TENM3: variants seen among roughly 807,000 people sequenced by gnomAD.
TENM3 encodes the protein teneurin transmembrane protein 3.
Under a neutral mutation model 255.1 loss-of-function variants are expected in TENM3, and 63 were observed. The ratio of observed to expected loss-of-function variants is 0.25; its 90% CI spans 0.20 to 0.30. TENM3 has a LOEUF of 0.30. TENM3 is among the 10% of genes least tolerant of loss of function. The pLI, the probability that TENM3 is intolerant of heterozygous loss-of-function variation, is 1.00. For synonymous variants in TENM3, 1,306 were observed against 1,322.3 expected (o/e 0.99, Z 0.27); for missense variants, 2,929 against 3,461.1 (o/e 0.85, Z 3.86).
intron 1 of TENM3, among the ~76,000 whole-genome samples, chr4:182,264,843 A>G (rs1759134565): frequency 6.6e-6 from 1 of 152,204 alleles, no homozygotes; most frequent in Non-Finnish European, 1.5e-5. Flanking sequence ...AAGTCAGCTT[A>G]ATTAGAAGTG....
At chr4:182,146,589 A>T (rs1350403997) in intron 1 of TENM3, among the ~76,000 whole-genome samples, 2 of 152,150 alleles carry the variant, frequency 1.3e-5, no homozygotes, top group African/African-American at 4.8e-5. Flanking sequence ...TTCTAATAGT[A>T]AACAAATATA....
chr4:182,683,068 T>C (rs759373727), intron 11 of TENM3, among the ~76,000 whole-genome samples: 2 of 152,148 alleles, frequency 1.3e-5, no homozygotes, highest in Non-Finnish European at 2.9e-5. Flanking sequence ...AATTTTTGGC[T>C]AGGTGAACAG....
the TENM3 span, among the ~76,000 whole-genome samples, chr4:181,979,113 T>C: frequency 1.5e-5 from 1 of 65,404 alleles, no homozygotes; most frequent in Non-Finnish European, 3.1e-5. Context: ...TATATATATA[T>C]ATATATATAT....
At chr4:181,466,635 C>T in the TENM3 span, among the ~76,000 whole-genome samples, 2 of 152,074 alleles carry the variant, frequency 1.3e-5, no homozygotes, top group African/African-American at 4.8e-5. Flanking sequence ...AATCACTCAT[C>T]GAGCTCCATA....
chr4:181,678,030 A>T, the TENM3 span, among the ~76,000 whole-genome samples: 1 of 152,094 alleles, frequency 6.6e-6, no homozygotes, highest in Non-Finnish European at 1.5e-5. Context: ...AGATATTTAC[A>T]TTTATTTTAG....
At chr4:181,463,771 C>T in the TENM3 span, among the ~76,000 whole-genome samples, 1 of 152,130 alleles carries the variant, frequency 6.6e-6, no homozygotes, top group Admixed American at 6.5e-5. Flanking sequence ...ATCACCCTCC[C>T]CTAAAAACCC....
At chr4:182,110,125 A>G in the TENM3 span, among the ~76,000 whole-genome samples, 1 of 151,570 alleles carries the variant, frequency 6.6e-6, no homozygotes, top group Admixed American at 6.6e-5. Context: ...AAAAAAAAAA[A>G]AAAAATACAT....
chr4:181,993,039 G>T, the TENM3 span, among the ~76,000 whole-genome samples: 1 of 152,050 alleles, frequency 6.6e-6, no homozygotes, highest in African/African-American at 2.4e-5. Context: ...CTTTTATGAT[G>T]TTAGACACCA....
chr4:182,386,879 C>G (rs1246562745), intron 3 of TENM3, among the ~76,000 whole-genome samples: 1 of 152,354 alleles, frequency 6.6e-6, no homozygotes, highest in African/African-American at 2.4e-5. Context: ...CGACGAATGC[C>G]GCCCCCTGTT....
At chr4:181,862,449 A>T in the TENM3 span, among the ~76,000 whole-genome samples, 1 of 152,074 alleles carries the variant, frequency 6.6e-6, no homozygotes, top group Non-Finnish European at 1.5e-5. Context: ...CTTTTTATCA[A>T]TACCACCGTT....
At chr4:181,734,963 T>A in the TENM3 span, among the ~76,000 whole-genome samples, 1 of 152,162 alleles carries the variant, frequency 6.6e-6, no homozygotes, top group African/African-American at 2.4e-5. Context: ...ACACTCTCAA[T>A]GTTCTTTAAA....
chr4:182,689,293 T>A (rs1045244428), intron 12 of TENM3, among the ~76,000 whole-genome samples: 10 of 152,180 alleles, frequency 6.6e-5, no homozygotes, highest in Admixed American at 3.9e-4. Flanking sequence ...CAGTGTCTTT[T>A]AAAGATTTCT....
In TENM3 at chr4:182,752,728, G is replaced by T. The variant is rs72997137; in HGVS notation, c.3862+696G>T. On this transcript the variant is annotated intron_variant, in intron 20 of 27. Coordinates refer to ENST00000511685, the MANE Select transcript of TENM3 (RefSeq NM_001080477.4). ...TAATAGAAAATTTCATTGTAACGGG[G>T]TCAACAAAACACTAACCTTGGCTTA... is the stretch of plus-strand genomic sequence containing the variant. 7.6e-3 allele frequency among the ~76,000 whole-genome samples: 1,154 copies of T among 152,164 alleles called. 12 individuals carry two copies. The highest frequency in any genetic ancestry group is 0.026 in the African/African-American group (1,076 of 41,532).
the TENM3 span, among the ~76,000 whole-genome samples, chr4:181,643,717 C>T: frequency 2.6e-5 from 4 of 152,082 alleles, no homozygotes; most frequent in Non-Finnish European, 4.4e-5. Flanking sequence ...AGCTGAGCAC[C>T]GCATAAGAGA....
Position 182,205,162 on chromosome 4 carries a change from C to T in TENM3, c.-76+60408C>T, listed in dbSNP as rs1181762877. ...TCTGACTTTGAAAGCCCACATTGAC[C>T]GTGGCTTAAAACAAAACAAATGGAA... On this transcript the variant is annotated intron_variant, in intron 1 of 2. Transcript: ENST00000512480. Among the ~76,000 whole-genome samples, 6 of 152,306 alleles carry T rather than the reference C, an allele frequency of 3.9e-5. No individual in the cohort carries two copies. The East Asian group carries it at 7.7e-4, about 20-fold the overall frequency.
chr4:182,430,594 G>A (rs1224162262), intron 3 of TENM3, among the ~76,000 whole-genome samples: 2 of 152,088 alleles, frequency 1.3e-5, no homozygotes, highest in Non-Finnish European at 2.9e-5. Flanking sequence ...AAGAAAGGCA[G>A]TAGATTAAGA....
rs368619519 is a variant in TENM3, at chr4:182,677,641, AT to A, written c.1327-2021del. Among the ~76,000 whole-genome samples, 595 of 152,298 alleles carry A rather than the reference AT, an allele frequency of 3.9e-3. 1 individual carries two copies. Among genetic ancestry groups the A allele is most frequent in the African/African-American group, 0.014 (563 of 41,552 alleles). ...AGGTCATGTATCCACACCAGTCAGT[AT>A]TTTCATCCTTATAAGGTATAAATGA... On this transcript the variant is annotated intron_variant, in intron 7 of 27. Coordinates refer to ENST00000511685, the MANE Select transcript of TENM3 (RefSeq NM_001080477.4).
At chr4:181,620,125 G>A in the TENM3 span, among the ~76,000 whole-genome samples, 1 of 152,116 alleles carries the variant, frequency 6.6e-6, no homozygotes, top group Non-Finnish European at 1.5e-5. Context: ...GCTGGGCGTG[G>A]TGGCACATGC....
the TENM3 span, among the ~76,000 whole-genome samples, chr4:181,767,098 A>G: frequency 7.5e-6 from 1 of 132,668 alleles, no homozygotes; most frequent in Non-Finnish European, 1.6e-5. Flanking sequence ...TAAAAATACA[A>G]AAAATTAGCA....
Sources: allele counts gnomAD v4.1 joint callset (sites outside exome capture counted in the v4.1 genomes callset), GRCh38; gene constraint gnomAD v4.1.1; transcripts MANE v1.5; gene names NCBI Gene and HGNC (gene_info 2026-07-23, HGNC 2026-07-21).